CLIP4: variants seen among roughly 807,000 people sequenced by gnomAD.
CLIP4 encodes the protein CAP-Gly domain-containing linker protein 4.
A neutral mutation model predicts 73.1 loss-of-function variants in CLIP4; 47 were observed. That is an observed-to-expected ratio of 0.64 (90% CI 0.51 to 0.82). The LOEUF is 0.82. Among genes scored for constraint, CLIP4 ranks in the 40% least tolerant of loss-of-function variants. CLIP4 has a pLI of 0.00. For synonymous variants in CLIP4, 306 were observed against 295.4 expected (o/e 1.04, Z -0.37); for missense variants, 874 against 852.9 (o/e 1.02, Z -0.31).
intron 12 of CLIP4, among the ~76,000 whole-genome samples, chr2:29,162,978 C>T (rs1218229262): frequency 2.0e-5 from 3 of 151,826 alleles, no homozygotes; most frequent in African/African-American, 7.3e-5. Context: ...TATAAGAGAC[C>T]AAATCCAATT....
At chr2:29,174,767 A>T (rs918028361) in intron 15 of CLIP4, 1 of 688,188 alleles carries the variant, frequency 1.5e-6, no homozygotes, top group South Asian at 6.6e-5. Context: ...TCCTTAAGTA[A>T]TGAGAGATTT....
chr2:29,100,903 A>G (rs7598134), intron 1 of CLIP4, among the ~76,000 whole-genome samples: 62,250 of 151,730 alleles, frequency 0.41, 13,314 homozygotes, highest in African/African-American at 0.53. Context: ...ATAAATGAAG[A>G]GGGAGTTTAT....
intron 13 of CLIP4, among the ~76,000 whole-genome samples, chr2:29,167,131 A>G (rs767515163): frequency 3.3e-5 from 5 of 152,218 alleles, no homozygotes; most frequent in Non-Finnish European, 7.4e-5. Flanking sequence ...CCTTTTTCAC[A>G]ATATTAATCT....
rs1413212951 is a variant in CLIP4 at position 29,121,450 on chromosome 2, C to A, written c.62C>A (p.Pro21Gln). ...GGAAATCCTTTGTTTGGAAGATACC[C>A]ATTTATATTTTCTGCTTCTGATACC... ...LEGNPLFGRY[P>Q]FIFSASDTPV... Residue 21 changes from proline (P) to glutamine (Q), a missense_variant, in exon 2 of 16, where the codon CCA (proline) becomes CAA (glutamine). Coordinates refer to ENST00000320081, the MANE Select transcript of CLIP4 (RefSeq NM_024692.6). 1 of 1,613,680 alleles carries A rather than the reference C, an allele frequency of 6.2e-7. No homozygotes were observed. The highest frequency in any genetic ancestry group is 1.7e-5 in the Admixed American group (1 of 60,014).
chr2:29,125,861 C>T (rs1664568006), intron 2 of CLIP4, among the ~76,000 whole-genome samples: 1 of 152,148 alleles, frequency 6.6e-6, no homozygotes, highest in Non-Finnish European at 1.5e-5. Flanking sequence ...CTCCCCTCAC[C>T]CCACTTTCTT....
At position 29,174,437 on chromosome 2, in the gene CLIP4, T is replaced by A; in HGVS notation, c.1788T>A (p.Ala596=). The part of the protein sequence containing the change: ...SSQKEINRRN[A]FSKSKAALRR... Reference sequence around the variant, plus strand: ...AAAAGGAGATTAACAGAAGAAATGCTTTTTCCAAGTGAGTATTAAGAAGAT... The same window carrying A: ...AAAAGGAGATTAACAGAAGAAATGCATTTTCCAAGTGAGTATTAAGAAGAT... The change falls in exon 15 of 16, where the codon GCT becomes GCA. Residue 596 remains alanine (A), a synonymous_variant. Coordinates refer to ENST00000320081, the MANE Select transcript of CLIP4 (RefSeq NM_024692.6). 3 of 1,611,516 alleles carry A rather than the reference T, an allele frequency of 1.9e-6. No individual in the cohort carries two copies. The highest frequency in any genetic ancestry group is 2.5e-6 in the Non-Finnish European group (3 of 1,179,432).
intron 1 of CLIP4, among the ~76,000 whole-genome samples, chr2:29,101,295 CAAA>C (rs762423448): frequency 1.4e-3 from 166 of 120,546 alleles, no homozygotes; most frequent in Non-Finnish European, 2.3e-3. Context: ...TTCCCCCCCC[CAAA>C]ACAAAAAAAA....
At chr2:29,114,978 A>G (rs1053832497), upstream of CLIP4, 2 of 152,412 alleles carry the variant, frequency 1.3e-5, no homozygotes, top group African/African-American at 4.8e-5. Flanking sequence ...GAGACGGAGA[A>G]GGGGTCAGGA....
chr2:29,174,003 T>C (rs1300432151), intron 14 of CLIP4, among the ~76,000 whole-genome samples: 2 of 152,252 alleles, frequency 1.3e-5, no homozygotes, highest in African/African-American at 4.8e-5. Flanking sequence ...CCAAAAGTAA[T>C]GTCATGCTCT....
chr2:29,137,564 A>C (rs1665456508), intron 6 of CLIP4, among the ~76,000 whole-genome samples: 1 of 152,092 alleles, frequency 6.6e-6, no homozygotes, highest in South Asian at 2.1e-4. Flanking sequence ...GTCAAATGGT[A>C]ATTCTGTTTT....
At chr2:29,154,955 A>G (rs975868748) in intron 9 of CLIP4, among the ~76,000 whole-genome samples, 2 of 152,230 alleles carry the variant, frequency 1.3e-5, no homozygotes, top group Non-Finnish European at 2.9e-5. Flanking sequence ...GATTTAAACA[A>G]GACCTATTCC....
In CLIP4 at chr2:29,129,457, G is replaced by C. The variant is rs1407721342; in HGVS notation, c.134-1801G>C. 2.0e-5 allele frequency among the ~76,000 whole-genome samples: 3 copies of C among 151,636 alleles called. No homozygotes were observed. In the South Asian group the frequency reaches 6.2e-4, roughly 32 times the overall value. ...CTATAAGATCTCTGTGTCTGTTTGT[G>C]TATACAGACAGACACAGAGATCTTA... On this transcript the variant is annotated intron_variant, in intron 2 of 15. Coordinates refer to ENST00000320081, the MANE Select transcript of CLIP4 (RefSeq NM_024692.6).
chr2:29,107,358 G>GTTTTGTTTTTT (rs1668239932), intron 1 of CLIP4, among the ~76,000 whole-genome samples: 6 of 65,352 alleles, frequency 9.2e-5, no homozygotes, highest in Non-Finnish European at 1.8e-4. Context: ...GAACATGATA[G>GTTTTGTTTTTT]TTTTTTTTTT....
chr2:29,145,174 A>G (rs1666068364), intron 7 of CLIP4, 58 bp from the exon 8 acceptor site: 29 of 1,479,222 alleles, frequency 2.0e-5, no homozygotes, highest in Non-Finnish European at 2.5e-5. Flanking sequence ...TTGCAAGAGT[A>G]GGACCCTTGG....
At chr2:29,177,444 G>GGT (rs1668409949) in intron 15 of CLIP4, among the ~76,000 whole-genome samples, 1 of 151,628 alleles carries the variant, frequency 6.6e-6, no homozygotes. Flanking sequence ...AGCTGGGCAT[G>GGT]GTGGCAGGCA....
At chr2:29,153,955 A>T (rs1666750470) in intron 9 of CLIP4, among the ~76,000 whole-genome samples, 1 of 152,184 alleles carries the variant, frequency 6.6e-6, no homozygotes, top group African/African-American at 2.4e-5. Flanking sequence ...TTCCTTTTAA[A>T]AATTCTGTTG....
intron 1 of CLIP4, among the ~76,000 whole-genome samples, chr2:29,108,623 T>G (rs1432116529): frequency 6.6e-6 from 1 of 152,184 alleles, no homozygotes; most frequent in Non-Finnish European, 1.5e-5. Flanking sequence ...CTTTAATAAT[T>G]ATCAATATTT....
chr2:29,121,261 T>C, intron 1 of CLIP4, 113 bp from the exon 2 acceptor site: 1 of 1,077,076 alleles, frequency 9.3e-7, no homozygotes, highest in Non-Finnish European at 1.3e-6. Context: ...AGATCCTTAC[T>C]GAAAATGTCA....
At chr2:29,157,162 A>T in intron 10 of CLIP4, 42 bp from the exon 11 acceptor site, 1 of 1,574,276 alleles carries the variant, frequency 6.4e-7, no homozygotes, top group Non-Finnish European at 8.7e-7. Context: ...CTTGGTCCAC[A>T]TCTTATTTTC....
Sources: allele counts gnomAD v4.1 joint callset (sites outside exome capture counted in the v4.1 genomes callset), GRCh38; gene constraint gnomAD v4.1.1; transcripts MANE v1.5; gene names NCBI Gene and HGNC (gene_info 2026-07-23, HGNC 2026-07-21).